The following LAMA5 variants were observed in gnomAD, a reference collection of about 807,000 sequenced individuals.
LAMA5 encodes laminin subunit alpha 5, also known as laminin subunit alpha-5.
In LAMA5, 260 loss-of-function variants were observed where a neutral mutation model predicts 433.4. The ratio of observed to expected loss-of-function variants is 0.60; its 90% confidence interval spans 0.54 to 0.66. The LOEUF (loss-of-function observed/expected upper bound fraction) is 0.66, where lower values mean the gene tolerates loss of function less well. Ranked by LOEUF, LAMA5 falls within the 30% of genes least tolerant of loss-of-function variation. The pLI, the probability that LAMA5 is intolerant of heterozygous loss-of-function variation, is 0.00. For synonymous variants in LAMA5, 2,620 were observed against 2,226.6 expected (o/e 1.18, Z -4.97); for missense variants, 5,378 against 5,258.5 (o/e 1.02, Z -0.70).
chr20:62,358,241 G>GT (rs1985532054), intron 2 of LAMA5, among the ~76,000 whole-genome samples: 1 of 152,150 alleles, frequency 6.6e-6, no homozygotes, highest in South Asian at 2.1e-4. Flanking sequence ...CTTGGGCCGT[G>GT]TCCTCCTTCC....
intron 32 of LAMA5, 117 bp downstream of exon 32, chr20:62,329,660 G>T: frequency 7.6e-7 from 1 of 1,319,094 alleles, no homozygotes. Context: ...GCTTTGCTGG[G>T]CACAAGGCCA....
intron 2 of LAMA5, among the ~76,000 whole-genome samples, chr20:62,354,939 C>CG (rs1373209152): frequency 2.6e-5 from 4 of 152,190 alleles, no homozygotes; most frequent in Non-Finnish European, 4.4e-5. Flanking sequence ...ACCTCTCCCC[C>CG]GCCTGTGCGA....
rs1188285026 is a variant in LAMA5 at position 62,360,474 on chromosome 20, G to A, written c.450+1926C>T. On this transcript the variant is annotated intron_variant, in intron 2 of 79. Transcript: ENST00000252999. Reference sequence around the variant, plus strand: ...AGGGATAGATGGGTGGTGGGTGGGTGGAGGGATAGATGGGTGGTGGGTGGG... The same window carrying A: ...AGGGATAGATGGGTGGTGGGTGGGTAGAGGGATAGATGGGTGGTGGGTGGG... Among the ~76,000 whole-genome samples the A allele has an allele frequency of 3.0e-3, 2 of 676 alleles. 1 individual carries two copies. The highest frequency in any genetic ancestry group is 0.021 in the Non-Finnish European group (2 of 94). The allele number at this position is 676 out of a possible 152,430, so 0.4% of individuals were successfully genotyped here. A position where few individuals can be genotyped will look rare whatever the true frequency, so the allele number is the denominator to read the frequency against.
chr20:62,313,060 G>A (rs1324669551), intron 65 of LAMA5, 28 bp downstream of exon 65: 1 of 1,604,798 alleles, frequency 6.2e-7, no homozygotes, highest in African/African-American at 1.3e-5. Flanking sequence ...TGCAAGTGGG[G>A]ATGGCAGGAC....
intron 16 of LAMA5, 142 bp downstream of exon 16, chr20:62,337,448 G>A (rs950810896): frequency 3.7e-5 from 43 of 1,174,184 alleles, no homozygotes; most frequent in East Asian, 3.1e-4. Context: ...AACAAGGTGC[G>A]AACACAGAGC....
Position 62,367,080 on chromosome 20 carries a change from C to A in LAMA5, c.166G>T (p.Ala56Ser), listed in dbSNP as rs557760409. 736 of 1,260,346 alleles carry A rather than the reference C, an allele frequency of 5.8e-4. 4 individuals are homozygous for A. In the African/African-American group the frequency reaches 0.01, roughly 18 times the overall value. The allele number at this position is 1,260,346 out of a possible 1,614,324, so 78.1% of individuals were successfully genotyped here. A position where few individuals can be genotyped will look rare whatever the true frequency, so the allele number is the denominator to read the frequency against. ...CAGGTCGCGGAGGCGGCGATGCGGG[C>A]GCCCTCGGCCAGGTTGAAGTAGGGC... ...HPPYFNLAEG[A>S]RIAASATCGE... is the part of the protein sequence containing the mutation. The change falls in exon 1 of 80, where the codon GCC becomes TCC. Residue 56 changes from alanine to serine, a missense_variant. Ala to Ser is a moderately conservative substitution (Grantham distance 99). Coordinates refer to ENST00000252999, the MANE Select transcript of LAMA5 (RefSeq NM_005560.6).
chr20:62,310,956 C>T lies in LAMA5; in HGVS notation c.10227G>A (p.Gly3409=). The part of the protein sequence containing the change: ...GHFVAQMEGL[G]TRLRAQSRQR... ...GGCGGCTCTGGGCGCGGAGCCGAGT[C>T]CCGAGGCCTTCCATCTGTGCAACGA... is the stretch of plus-strand genomic sequence containing the variant. Residue 3409 remains glycine (G), a synonymous_variant, in exon 74 of 80, where the codon GGG becomes GGA. Coordinates refer to ENST00000252999, the MANE Select transcript of LAMA5 (RefSeq NM_005560.6). 1.2e-6 allele frequency: 2 copies of T among 1,611,422 alleles called. 1 individual carries two copies. Among genetic ancestry groups the T allele is most frequent in the South Asian group, 2.2e-5 (2 of 90,988 alleles).
rs553660143 is a variant in LAMA5 at position 62,309,342 on chromosome 20, G to A, written c.11082C>T (p.Ala3694=). 1.4e-4 allele frequency: 217 copies of A among 1,591,340 alleles called. No homozygotes were observed. The highest frequency in any genetic ancestry group is 1.4e-3 in the Middle Eastern group (6 of 4,420). The change falls in exon 80 of 80, where the codon GCC becomes GCT. Residue 3694 remains alanine, a synonymous_variant. Coordinates refer to ENST00000252999, the MANE Select transcript of LAMA5 (RefSeq NM_005560.6). ...GGCCGGGGTTGGCTGTGTCCTAGGC[G>A]GCTGGGCAGCCACTGGCCCCCACTG... The part of the protein sequence containing the change: ...HGAVGASGCP[A]A
In LAMA5 at chr20:62,311,694, C is replaced by CG; in HGVS notation, c.9725dup (p.Arg3243GlufsTer9). On this transcript the variant is annotated frameshift_variant, in exon 71 of 80. Transcript: ENST00000252999. LOFTEE classifies it high-confidence loss of function. ...CAGGCAGGCCTCCCAGGAGGAGCCTCGGGGGCCCCTCAGGCTGCGGCTGGA... is the reference window on the plus strand; with the variant it reads ...CAGGCAGGCCTCCCAGGAGGAGCCTCGGGGGGCCCCTCAGGCTGCGGCTGGA... 6.3e-7 allele frequency: 1 copy of CG among 1,579,912 alleles called. No individual in the cohort carries two copies. The highest frequency in any genetic ancestry group is 8.6e-7 in the Non-Finnish European group (1 of 1,163,978).
chr20:62,364,231 C>T (rs560243731), intron 1 of LAMA5, among the ~76,000 whole-genome samples: 2 of 152,340 alleles, frequency 1.3e-5, no homozygotes, highest in East Asian at 1.9e-4. Flanking sequence ...GACAGCACGG[C>T]GCACACAGGT....
chr20:62,315,269 C>T lies in LAMA5; in HGVS notation c.7868-62G>A, dbSNP rs987161538. On this transcript the variant is annotated intron_variant, in intron 58 of 79. Coordinates refer to ENST00000252999, the MANE Select transcript of LAMA5 (RefSeq NM_005560.6). The stretch of plus-strand genomic sequence containing the variant: ...CGGGGACCATCCTGGCTTCATGTCC[C>T]CAAGTCTTTCTGTTGGGCCAGCAAC... 9.1e-6 allele frequency: 13 copies of T among 1,427,052 alleles called. No individual in the cohort carries two copies. In the Admixed American group the frequency reaches 2.2e-4, roughly 24 times the overall value. The allele number at this position is 1,427,052 out of a possible 1,614,324, so 88.4% of individuals were successfully genotyped here.
Position 62,320,650 on chromosome 20 carries a change from A to G in LAMA5, c.6668T>C (p.Leu2223Pro). The change falls in exon 50 of 80, where the codon CTG becomes CCG. Residue 2223 changes from leucine to proline, a missense_variant. Transcript: ENST00000252999. ...CTGTGCCGTCTCATGGCGGGGGCCC[A>G]GGGGGCTCCGGAGCTGGCTCTGTGG... Reference protein sequence around the residue: ...ADLQSQLRSPLGPRHETAQQL... With the variant: ...ADLQSQLRSPPGPRHETAQQL... The G allele has an allele frequency of 6.3e-7, 1 of 1,585,712 alleles. No individual in the cohort carries two copies. The highest frequency in any genetic ancestry group is 1.3e-5 in the African/African-American group (1 of 74,568).
Position 62,362,439 on chromosome 20 carries a change from C to A in LAMA5, c.411G>T (p.Leu137=). 6.3e-7 allele frequency: 1 copy of A among 1,585,754 alleles called. No individual in the cohort carries two copies. Among genetic ancestry groups the A allele is most frequent in the Non-Finnish European group, 8.6e-7 (1 of 1,162,506 alleles). Residue 137 remains leucine (L), a synonymous_variant, in exon 2 of 80, where the codon CTG becomes CTT. Transcript: ENST00000252999. ...WWQSPPLSRG[L]EYNEVNVTLD... ...GGGTGACGTTGACCTCGTTGTACTC[C>A]AGGCCGCGGGACAGCGGTGGACTCT...
intron 4 of LAMA5, 47 bp downstream of exon 4, chr20:62,352,195 C>CT: frequency 6.4e-7 from 1 of 1,566,486 alleles, no homozygotes; most frequent in Non-Finnish European, 8.7e-7. Flanking sequence ...CCCTACCCAC[C>CT]TCTCCGTTCT....
chr20:62,329,204 C>G lies in LAMA5; in HGVS notation c.4169G>C (p.Arg1390Pro). Residue 1390 changes from arginine (R) to proline (P), a missense_variant, in exon 33 of 80, where the codon CGG becomes CCG. By Grantham distance (103) the Arg-to-Pro change is moderately radical (BLOSUM62 -2). Coordinates refer to ENST00000252999, the MANE Select transcript of LAMA5 (RefSeq NM_005560.6). Reference sequence around the variant, plus strand: ...ATAGGATTTATCCAGGGGCTCCTCCCGGAGGTAGCCAAAGCTGTAGACGTT... The same window carrying G: ...ATAGGATTTATCCAGGGGCTCCTCCGGGAGGTAGCCAAAGCTGTAGACGTT... ...PENVYSFGYL[R>P]EEPLDKSYDF... The G allele has an allele frequency of 1.2e-6, 2 of 1,612,808 alleles. No homozygotes were observed. Among genetic ancestry groups the G allele is most frequent in the Non-Finnish European group, 1.7e-6 (2 of 1,179,908 alleles).
At chr20:62,361,112 A>G (rs1986083355) in intron 2 of LAMA5, among the ~76,000 whole-genome samples, 1 of 152,092 alleles carries the variant, frequency 6.6e-6, no homozygotes, top group Non-Finnish European at 1.5e-5. Flanking sequence ...CTGAGAATTC[A>G]CACGTACGCT....
chr20:62,312,408 C>A lies in LAMA5; in HGVS notation c.9352G>T (p.Asp3118Tyr). 6.3e-7 allele frequency: 1 copy of A among 1,598,294 alleles called. No individual in the cohort carries two copies. Among genetic ancestry groups the A allele is most frequent in the East Asian group, 2.2e-5 (1 of 44,838 alleles). The change falls in exon 68 of 80, where the codon GAC (aspartate) becomes TAC (tyrosine). Residue 3118 changes from aspartate to tyrosine, a missense_variant. Physicochemically the swap from Asp to Tyr is radical, Grantham distance 160. Coordinates refer to ENST00000252999, the MANE Select transcript of LAMA5 (RefSeq NM_005560.6). The stretch of plus-strand genomic sequence containing the variant: ...CGGGGAGGGCTGCTCACCAGCAGGT[C>A]GGCGGTGCAGCCGGCGCTCACGCCT... ...TTGVSAGCTA[D>Y]LLVGRAMTFH...
At position 62,346,158 on chromosome 20, in the gene LAMA5, C is replaced by A; in HGVS notation, c.1340G>T (p.Cys447Phe). 1 of 1,613,010 alleles carries A rather than the reference C, an allele frequency of 6.2e-7. No homozygotes were observed. Among genetic ancestry groups the A allele is most frequent in the Non-Finnish European group, 8.5e-7 (1 of 1,179,954 alleles). ...DGTCEDLTGR[C>F]YCRPNFSGER... ...CCCAGAGAAGTTGGGCCGGCAGTAG[C>A]ATCGACCCGTCAGGTCCTCGCAGGT... The change falls in exon 10 of 80, where the codon TGC becomes TTC. Residue 447 changes from cysteine (C) to phenylalanine (F), a missense_variant. Transcript: ENST00000252999.
At position 62,320,681 on chromosome 20, in the gene LAMA5, G is replaced by T. The variant is rs774709013; in HGVS notation, c.6649-12C>A. On this transcript the variant is annotated splice_polypyrimidine_tract_variant and intron_variant, in intron 49 of 79. Transcript: ENST00000252999. ...CTCCGGAGCTGGCTCTGTGGGAGGC[G>T]AAAGGTGAAGGCCTGCACTGGCCCG... 6.2e-7 allele frequency: 1 copy of T among 1,611,224 alleles called. No individual in the cohort carries two copies. The highest frequency in any genetic ancestry group is 8.5e-7 in the Non-Finnish European group (1 of 1,179,280).
Sources: gnomAD v4.1 joint callset for allele counts (sites outside exome capture counted in the v4.1 genomes callset) on GRCh38, gnomAD v4.1.1 for gene constraint, MANE v1.5 for transcripts, NCBI Gene and HGNC (gene_info 2026-07-23, HGNC 2026-07-21) for gene names.